The following CCDC178 variants were observed in gnomAD, a reference collection of about 807,000 sequenced individuals.
CCDC178 encodes coiled-coil domain containing 178.
Under a neutral mutation model 117.4 loss-of-function variants are expected in CCDC178, and 126 were observed. The ratio of observed to expected loss-of-function variants is 1.07; its 90% CI spans 0.93 to 1.24. CCDC178 has a LOEUF of 1.24. CCDC178 is among the 50% of genes most tolerant of loss of function. CCDC178 has a pLI of 0.00. For missense variants in CCDC178, 1,030 were observed against 986.9 expected (o/e 1.04, Z -0.59); for synonymous variants, 283 against 313.4 (o/e 0.90, Z 1.02).
chr18:33,207,251 C>T (rs1221523576), intron 20 of CCDC178, among the ~76,000 whole-genome samples: 1 of 152,048 alleles, frequency 6.6e-6, no homozygotes, highest in Non-Finnish European at 1.5e-5. Context: ...TAGTAAATCT[C>T]TGTTCCAATA....
At chr18:33,325,655 A>G (rs914881709) in intron 10 of CCDC178, among the ~76,000 whole-genome samples, 14 of 152,116 alleles carry the variant, frequency 9.2e-5, no homozygotes, top group Middle Eastern at 3.2e-3. Context: ...ATTAAGTGCA[A>G]TAATTTGATA....
intron 21 of CCDC178, among the ~76,000 whole-genome samples, chr18:32,980,879 CT>C (rs2055141710): frequency 6.6e-6 from 1 of 152,130 alleles, no homozygotes; most frequent in Non-Finnish European, 1.5e-5. Flanking sequence ...GGAGAACAAA[CT>C]ACAATTTCGT....
intron 2 of CCDC178, among the ~76,000 whole-genome samples, chr18:33,421,315 T>C (rs1338835567): frequency 1.3e-5 from 2 of 152,212 alleles, no homozygotes; most frequent in African/African-American, 4.8e-5. Context: ...AAGGATTCCA[T>C]CATGCTGGCC....
chr18:32,946,749 TG>T (rs1233105935), intron 22 of CCDC178, among the ~76,000 whole-genome samples: 33 of 150,674 alleles, frequency 2.2e-4, no homozygotes, highest in Admixed American at 2.2e-3. Context: ...CTGTTTTTGT[TG>T]TTTTTTTTGT....
intron 14 of CCDC178, among the ~76,000 whole-genome samples, chr18:33,258,781 T>C (rs1034065844): frequency 6.6e-6 from 1 of 152,178 alleles, no homozygotes; most frequent in Non-Finnish European, 1.5e-5. Flanking sequence ...TTATGAATCA[T>C]AGTTATGTTA....
chr18:33,238,375 C>A (rs2059450087), intron 15 of CCDC178, among the ~76,000 whole-genome samples: 1 of 151,720 alleles, frequency 6.6e-6, no homozygotes, highest in African/African-American at 2.4e-5. Flanking sequence ...CAGAGAGATA[C>A]AAGAGAATAC....
At chr18:32,970,598 T>C (rs948845545) in intron 22 of CCDC178, among the ~76,000 whole-genome samples, 1 of 152,070 alleles carries the variant, frequency 6.6e-6, no homozygotes, top group Non-Finnish European at 1.5e-5. Flanking sequence ...GTTGTATACA[T>C]TGATACCTGC....
Position 32,949,412 on chromosome 18 carries a change from C to T in CCDC178, c.2524-11321G>A, listed in dbSNP as rs1163107588. Among the ~76,000 whole-genome samples the T allele has an allele frequency of 7.9e-5, 12 of 152,042 alleles. No individual in the cohort carries two copies. The South Asian group carries it at 2.5e-3, about 31-fold the overall frequency. On this transcript the variant is annotated intron_variant, in intron 22 of 22. Transcript: ENST00000383096. ...TTGACTGATGACATCTTACAGCTAA[C>T]TGGTGTTCTTCATTTTTAAAACTAT...
rs145543046 is a variant in CCDC178 at position 33,348,771 on chromosome 18, A to T, written c.457+119T>A. 637 of 670,368 alleles carry T rather than the reference A, an allele frequency of 9.5e-4. 5 individuals carry two copies. The African/African-American group carries it at 0.01, about 11-fold the overall frequency. 41.5% of individuals were successfully genotyped at this position (670,368 alleles called of 1,614,324 possible). The stretch of plus-strand genomic sequence containing the variant: ...TATAGAGGACTATTTTGTCTATTAA[A>T]CATTCATAATAATTATAAAATTCTT... On this transcript the variant is annotated intron_variant, in intron 8 of 22. Transcript: ENST00000383096.
chr18:33,273,569 T>A (rs191494864), intron 12 of CCDC178, among the ~76,000 whole-genome samples: 28 of 151,768 alleles, frequency 1.8e-4, no homozygotes, highest in African/African-American at 6.3e-4. Flanking sequence ...CCATACTACA[T>A]TAATTACCAA....
intron 21 of CCDC178, among the ~76,000 whole-genome samples, chr18:33,084,321 A>ATT (rs1845480115): frequency 6.6e-6 from 1 of 152,180 alleles, no homozygotes; most frequent in African/African-American, 2.4e-5. Flanking sequence ...GATTAACCAA[A>ATT]TTAAAATGTT....
At chr18:33,052,360 A>T (rs2056760654) in intron 21 of CCDC178, among the ~76,000 whole-genome samples, 1 of 152,208 alleles carries the variant, frequency 6.6e-6, no homozygotes, top group Non-Finnish European at 1.5e-5. Flanking sequence ...TTGTCAACTT[A>T]GGTAAATTCA....
intron 2 of CCDC178, among the ~76,000 whole-genome samples, chr18:33,417,318 G>T (rs2063957701): frequency 6.6e-6 from 1 of 152,114 alleles, no homozygotes; most frequent in Non-Finnish European, 1.5e-5. Flanking sequence ...TAATTATGCT[G>T]AGTGAAAAAA....
chr18:33,428,861 G>A (rs2064164357), intron 2 of CCDC178, among the ~76,000 whole-genome samples: 1 of 148,404 alleles, frequency 6.7e-6, no homozygotes, highest in African/African-American at 2.5e-5. Flanking sequence ...ACCCTTTAAT[G>A]TGCAATTGTG....
intron 20 of CCDC178, among the ~76,000 whole-genome samples, chr18:33,120,161 G>A (rs551576085): frequency 7.1e-4 from 107 of 151,564 alleles, no homozygotes; most frequent in Non-Finnish European, 7.4e-5. Context: ...TTATGCACAT[G>A]TACCCTACAA....
Position 32,958,511 on chromosome 18 carries a change from T to A in CCDC178, c.2523+16036A>T, listed in dbSNP as rs75651555. On this transcript the variant is annotated intron_variant, in intron 22 of 22. Transcript: ENST00000383096. ...CTGGAGCTGTGTTGAAATACCATAA[T>A]TAGTTCAAGTAATGTCAAGTACAGA... is the stretch of plus-strand genomic sequence containing the variant. Among the ~76,000 whole-genome samples, 525 of 152,306 alleles carry A rather than the reference T, an allele frequency of 3.4e-3. 5 individuals are homozygous for A. Among genetic ancestry groups the A allele is most frequent in the African/African-American group, 0.012 (503 of 41,570 alleles).
intron 18 of CCDC178, among the ~76,000 whole-genome samples, chr18:33,221,301 C>G (rs1002946038): frequency 1.3e-5 from 2 of 152,174 alleles, no homozygotes; most frequent in Non-Finnish European, 2.9e-5. Flanking sequence ...CTCTAACAGT[C>G]GAGTTTGGGC....
At chr18:33,057,864 C>G (rs1220361894) in intron 21 of CCDC178, among the ~76,000 whole-genome samples, 1 of 152,124 alleles carries the variant, frequency 6.6e-6, no homozygotes, top group African/African-American at 2.4e-5. Flanking sequence ...TGTATCTAGA[C>G]ACCAAAAACT....
At chr18:33,228,604 G>A (rs765423066) in intron 15 of CCDC178, among the ~76,000 whole-genome samples, 22 of 152,194 alleles carry the variant, frequency 1.4e-4, no homozygotes, top group Non-Finnish European at 2.6e-4. Context: ...TACACTGCAT[G>A]GGCAAAACAT....
Sources: allele counts gnomAD v4.1 joint callset (sites outside exome capture counted in the v4.1 genomes callset), GRCh38; gene constraint gnomAD v4.1.1; transcripts MANE v1.5; gene names NCBI Gene and HGNC (gene_info 2026-07-23, HGNC 2026-07-21).